Variants in TRIM5 observed in about 807,000 individuals in gnomAD.
TRIM5 encodes the protein tripartite motif containing 5.
In TRIM5, 31 loss-of-function variants were observed where a neutral mutation model predicts 35.6. The ratio of observed to expected loss-of-function variants is 0.87; its 90% CI spans 0.65 to 1.18. The LOEUF (loss-of-function observed/expected upper bound fraction) is 1.18, where lower values mean the gene tolerates loss of function less well. Among genes scored for constraint, TRIM5 ranks in the 50% most tolerant of loss-of-function variants. TRIM5 has a pLI of 0.00. For missense variants in TRIM5, 609 were observed against 591.6 expected (o/e 1.03, Z -0.31); for synonymous variants, 243 against 215.6 (o/e 1.13, Z -1.11).
chr11:5,659,057 C>T (rs574942275), downstream of TRIM5, among the ~76,000 whole-genome samples: 6 of 152,010 alleles, frequency 3.9e-5, no homozygotes, highest in Admixed American at 2.6e-4. Context: ...ATGTAAATGA[C>T]GAGTTAATGG....
the TRIM5 span, among the ~76,000 whole-genome samples, chr11:5,641,575 A>T: frequency 6.6e-6 from 1 of 152,156 alleles, no homozygotes. Flanking sequence ...TAGGGCATGG[A>T]GACAGCTTCT....
the TRIM5 span, among the ~76,000 whole-genome samples, chr11:5,655,059 G>C: frequency 8.6e-5 from 13 of 151,976 alleles, no homozygotes; most frequent in African/African-American, 3.1e-4. Flanking sequence ...TGGGCGTGGT[G>C]GCGGGCACCT....
the TRIM5 span, among the ~76,000 whole-genome samples, chr11:5,613,167 GC>G: frequency 6.6e-6 from 1 of 152,178 alleles, no homozygotes; most frequent in South Asian, 2.1e-4. Flanking sequence ...CTTCCCAGCT[GC>G]CCTGAGGCAT....
chr11:5,653,263 G>T, the TRIM5 span, among the ~76,000 whole-genome samples: 2 of 152,084 alleles, frequency 1.3e-5, no homozygotes, highest in Non-Finnish European at 2.9e-5. Context: ...TTGTGAATGG[G>T]ATTGCATTCC....
At chr11:5,658,378 T>C (rs924250886), downstream of TRIM5, among the ~76,000 whole-genome samples, 15 of 152,170 alleles carry the variant, frequency 9.9e-5, no homozygotes, top group Non-Finnish European at 1.9e-4. Context: ...TGAGAGCTAC[T>C]ACCACTCGAT....
At chr11:5,605,886 C>A in the TRIM5 span, among the ~76,000 whole-genome samples, 1 of 152,170 alleles carries the variant, frequency 6.6e-6, no homozygotes, top group Non-Finnish European at 1.5e-5. Flanking sequence ...ACATTTCTGG[C>A]TGGATAATTC....
At chr11:5,601,096 C>A in the TRIM5 span, among the ~76,000 whole-genome samples, 2 of 152,102 alleles carry the variant, frequency 1.3e-5, no homozygotes, top group Admixed American at 6.6e-5. Flanking sequence ...ACATATGGAC[C>A]CCCTTAGGAT....
intron 4 of TRIM5, among the ~76,000 whole-genome samples, 160 bp from the exon 5 acceptor site, chr11:5,667,871 A>G (rs866221635): frequency 1.3e-5 from 2 of 152,318 alleles, no homozygotes; most frequent in Middle Eastern, 3.4e-3. Flanking sequence ...ATCATCCCAG[A>G]AGACTCATGT....
chr11:5,633,624 T>C, the TRIM5 span, among the ~76,000 whole-genome samples: 1 of 152,206 alleles, frequency 6.6e-6, no homozygotes, highest in Admixed American at 6.5e-5. Flanking sequence ...TTCATCACAA[T>C]GAATGAACAA....
chr11:5,619,688 A>ATTTTTTTTT, the TRIM5 span: 27 of 66,030 alleles, frequency 4.1e-4, no homozygotes, highest in African/African-American at 7.2e-4. Flanking sequence ...CCTGTTTTAA[A>ATTTTTTTTT]TTTTTTTTTT....
chr11:5,632,466 G>A, the TRIM5 span: 25 of 1,613,948 alleles, frequency 1.5e-5, no homozygotes, highest in Admixed American at 2.0e-4. Context: ...GCAACAAGGA[G>A]GCAGTGACCA....
At chr11:5,657,657 A>AATATATATTTATAATATAATATAT in the TRIM5 span, among the ~76,000 whole-genome samples, 3 of 114,182 alleles carry the variant, frequency 2.6e-5, no homozygotes, top group African/African-American at 1.1e-4. Context: ...TATTATATAT[A>AATATATATTTATAATATAATATAT]ATATATATTT....
At chr11:5,597,234 C>T in the TRIM5 span, among the ~76,000 whole-genome samples, 2 of 152,044 alleles carry the variant, frequency 1.3e-5, no homozygotes, top group Non-Finnish European at 2.9e-5. Context: ...ATAAGATGGA[C>T]GGAGTAATAT....
the TRIM5 span, among the ~76,000 whole-genome samples, chr11:5,592,924 A>AAAAAAAGAAAAAAGAAAAAG: frequency 7.8e-6 from 1 of 129,008 alleles, no homozygotes; most frequent in Admixed American, 7.9e-5. Flanking sequence ...CAAAAAAAAA[A>AAAAAAAGAAAAAAGAAAAAG]AAAAAAGAAA....
the TRIM5 span, chr11:5,611,276 T>C: frequency 1.2e-6 from 2 of 1,614,114 alleles, no homozygotes; most frequent in Admixed American, 1.7e-5. Context: ...TTCCCACTAC[T>C]CTTTGTCCAT....
At chr11:5,647,131 T>C in the TRIM5 span, among the ~76,000 whole-genome samples, 1 of 152,178 alleles carries the variant, frequency 6.6e-6, no homozygotes, top group African/African-American at 2.4e-5. Context: ...CTATTTCCAC[T>C]AGAGAAGTGC....
chr11:5,656,237 A>G, the TRIM5 span, among the ~76,000 whole-genome samples: 390 of 152,302 alleles, frequency 2.6e-3, no homozygotes, highest in African/African-American at 8.1e-3. Context: ...ATGAGAGAAC[A>G]TTTTTGCAAT....
chr11:5,603,340 C>G, the TRIM5 span: 6 of 1,613,994 alleles, frequency 3.7e-6, no homozygotes, highest in Non-Finnish European at 5.1e-6. Flanking sequence ...GGTGGACATA[C>G]GAGAAGAGGT....
the TRIM5 span, among the ~76,000 whole-genome samples, chr11:5,594,654 A>G: frequency 3.3e-5 from 5 of 152,126 alleles, no homozygotes; most frequent in Non-Finnish European, 5.9e-5. Context: ...ATGAAGCCCT[A>G]TGCTGACAAG....
Sources: allele counts gnomAD v4.1 joint callset (sites outside exome capture counted in the v4.1 genomes callset), GRCh38; gene constraint gnomAD v4.1.1; transcripts MANE v1.5; gene names NCBI Gene and HGNC (gene_info 2026-07-23, HGNC 2026-07-21).